PTPRK: variants seen among roughly 807,000 people sequenced by gnomAD.
The protein encoded by PTPRK is receptor-type tyrosine-protein phosphatase kappa.
A neutral mutation model predicts 178.0 loss-of-function variants in PTPRK; 75 were observed. The observed-to-expected ratio is 0.42, with a 90% CI of 0.35 to 0.51. PTPRK has a LOEUF of 0.51. PTPRK is among the 20% of genes least tolerant of loss of function. PTPRK has a pLI of 0.02. For missense variants in PTPRK, 1,441 were observed against 1,797.8 expected (o/e 0.80, Z 3.59); for synonymous variants, 637 against 620.6 (o/e 1.03, Z -0.39).
chr6:128,170,657 AT>A (rs528075511), intron 7 of PTPRK, among the ~76,000 whole-genome samples: 1 of 151,860 alleles, frequency 6.6e-6, no homozygotes, highest in African/African-American at 2.4e-5. Context: ...GTTACCTTTC[AT>A]TTTTTTCCAT....
rs1562376485 is a variant in PTPRK at position 127,981,218 on chromosome 6, G to A, written c.3609C>T (p.Asp1203=). ...CSIACLPRNH[D]KNRFMDMLPP... is the part of the protein sequence containing the mutation. ...GCAGCATGTCCATGAAACGGTTCTT[G>A]TCATGGTTCCTTGGCAGGCACGCTA... Residue 1203 remains aspartate (D), a synonymous_variant, in exon 25 of 30, where the codon GAC becomes GAT. Transcript: ENST00000368226. 1.9e-6 allele frequency: 3 copies of A among 1,613,688 alleles called. No homozygotes were observed. The highest frequency in any genetic ancestry group is 2.2e-5 in the East Asian group (1 of 44,824).
intron 1 of PTPRK, among the ~76,000 whole-genome samples, chr6:128,446,483 G>T (rs75965791): frequency 6.6e-6 from 1 of 152,098 alleles, no homozygotes; most frequent in South Asian, 2.1e-4. Flanking sequence ...TAATTGATAC[G>T]GCATGCTATG....
chr6:128,240,755 T>C (rs1814271309), intron 4 of PTPRK, among the ~76,000 whole-genome samples: 1 of 152,208 alleles, frequency 6.6e-6, no homozygotes, highest in South Asian at 2.1e-4. Flanking sequence ...AACCATAGTA[T>C]AGTAATCCAA....
At chr6:127,998,962 T>C (rs1209029601) in intron 15 of PTPRK, 58 bp from the exon 16 acceptor site, 1 of 1,369,820 alleles carries the variant, frequency 7.3e-7, no homozygotes, top group Non-Finnish European at 9.8e-7. Flanking sequence ...TTGTTTAATA[T>C]ATGTATCTAT....
chr6:128,313,069 C>G (rs2128317102), intron 3 of PTPRK, among the ~76,000 whole-genome samples: 1 of 152,080 alleles, frequency 6.6e-6, no homozygotes, highest in Non-Finnish European at 1.5e-5. Flanking sequence ...CTTTTGACAC[C>G]AAGACTGGAA....
intron 7 of PTPRK, among the ~76,000 whole-genome samples, chr6:128,110,447 T>G (rs1790465729): frequency 6.6e-6 from 1 of 152,064 alleles, no homozygotes; most frequent in Non-Finnish European, 1.5e-5. Flanking sequence ...GCCATTAATG[T>G]GCAGAGGATA....
At chr6:128,297,518 A>C (rs1390377468) in intron 3 of PTPRK, among the ~76,000 whole-genome samples, 1 of 152,218 alleles carries the variant, frequency 6.6e-6, no homozygotes, top group African/African-American at 2.4e-5. Context: ...AAATTATAAC[A>C]AACTGTCTCT....
At chr6:127,989,333 A>T (rs1235973448) in intron 21 of PTPRK, among the ~76,000 whole-genome samples, 1 of 152,062 alleles carries the variant, frequency 6.6e-6, no homozygotes, top group Non-Finnish European at 1.5e-5. Flanking sequence ...AAATTTTCAT[A>T]CATATTTTAC....
At chr6:128,199,785 A>G (rs1195507687) in intron 6 of PTPRK, among the ~76,000 whole-genome samples, 1 of 152,154 alleles carries the variant, frequency 6.6e-6, no homozygotes, top group Non-Finnish European at 1.5e-5. Context: ...AAATTCCTAA[A>G]TCAATCACAA....
At chr6:128,236,303 G>T (rs1163114789) in intron 5 of PTPRK, among the ~76,000 whole-genome samples, 1 of 150,556 alleles carries the variant, frequency 6.6e-6, no homozygotes, top group Non-Finnish European at 1.5e-5. Context: ...AAATAATCTG[G>T]AAGTTCTCTA....
chr6:128,078,790 C>T, intron 11 of PTPRK, 23 bp downstream of exon 11: 1 of 1,538,676 alleles, frequency 6.5e-7, no homozygotes, highest in Non-Finnish European at 9.0e-7. Flanking sequence ...TAAGGCAGAA[C>T]TACTGTAGTT....
chr6:128,370,690 T>C (rs1584400841), intron 2 of PTPRK, among the ~76,000 whole-genome samples: 1 of 152,260 alleles, frequency 6.6e-6, no homozygotes. Context: ...AAATCATCAT[T>C]TGTAAATATG....
chr6:128,392,063 T>C (rs1004232263), intron 2 of PTPRK, among the ~76,000 whole-genome samples: 3 of 152,176 alleles, frequency 2.0e-5, no homozygotes, highest in Non-Finnish European at 4.4e-5. Flanking sequence ...AAAATGGTCC[T>C]GGAATTATCT....
intron 3 of PTPRK, among the ~76,000 whole-genome samples, chr6:128,257,327 T>A (rs1817503236): frequency 6.6e-6 from 1 of 152,094 alleles, no homozygotes; most frequent in African/African-American, 2.4e-5. Context: ...TCATTTTATT[T>A]TATTTTATTT....
At position 128,385,695 on chromosome 6, in the gene PTPRK, C is replaced by T. The variant is rs1016921784; in HGVS notation, c.223+11871G>A. Among the ~76,000 whole-genome samples the T allele has an allele frequency of 3.9e-5, 6 of 152,214 alleles. No homozygotes were observed. In the East Asian group the frequency reaches 1.2e-3, roughly 29 times the overall value. The stretch of plus-strand genomic sequence containing the variant: ...TTCAGCAGGTGGTTTCTGCATTCCT[C>T]CCATGCTTGCCTGAAGGCTCTGCTA... On this transcript the variant is annotated intron_variant, in intron 2 of 29. Transcript: ENST00000368226.
At chr6:128,005,343 A>ACAAACATGGTTTAGAAACCCAAG in intron 14 of PTPRK, 99 bp from the exon 15 acceptor site, 1 of 1,216,684 alleles carries the variant, frequency 8.2e-7, no homozygotes, top group Admixed American at 2.3e-5. Context: ...GGATAATGTT[A>ACAAACATGGTTTAGAAACCCAAG]CAAACATGGT....
At chr6:128,281,141 G>A (rs1252134557) in intron 3 of PTPRK, among the ~76,000 whole-genome samples, 1 of 152,102 alleles carries the variant, frequency 6.6e-6, no homozygotes. Context: ...GCTGACCCCT[G>A]TAACATGATC....
intron 2 of PTPRK, among the ~76,000 whole-genome samples, chr6:128,392,391 T>C (rs1176232780): frequency 2.0e-5 from 3 of 152,210 alleles, no homozygotes; most frequent in East Asian, 1.9e-4. Context: ...TTAAATACTA[T>C]CAAATAAGTT....
chr6:128,272,961 A>C (rs1028195315), intron 3 of PTPRK, among the ~76,000 whole-genome samples: 6 of 152,188 alleles, frequency 3.9e-5, no homozygotes, highest in Non-Finnish European at 8.8e-5. Flanking sequence ...AACCAACCCA[A>C]ATGTCCATCA....
Sources: allele counts gnomAD v4.1 joint callset (sites outside exome capture counted in the v4.1 genomes callset), GRCh38; gene constraint gnomAD v4.1.1; transcripts MANE v1.5; gene names NCBI Gene and HGNC (gene_info 2026-07-23, HGNC 2026-07-21).